The following QKI variants were observed in gnomAD, a reference collection of about 807,000 sequenced individuals.
QKI encodes QKI, KH domain containing RNA binding, also known as KH domain-containing RNA-binding protein QKI.
QKI carries 10 observed loss-of-function variants against 39.0 expected under a neutral mutation model. The ratio of observed to expected loss-of-function variants is 0.26; its 90% CI spans 0.16 to 0.43. The LOEUF is 0.43. Ranked by LOEUF, QKI falls within the 20% of genes least tolerant of loss-of-function variation. The pLI is 1.00. For synonymous variants in QKI, 204 were observed against 155.4 expected (o/e 1.31, Z -2.33); for missense variants, 218 against 428.0 (o/e 0.51, Z 4.33).
intron 1 of QKI, among the ~76,000 whole-genome samples, chr6:163,445,968 G>A (rs982140742): frequency 6.4e-4 from 97 of 152,250 alleles, no homozygotes; most frequent in Non-Finnish European, 3.8e-4. Context: ...AGTTGGTTAA[G>A]GCGATGTCTG....
chr6:163,469,108 T>G (rs1055829746), intron 2 of QKI, among the ~76,000 whole-genome samples: 15 of 152,210 alleles, frequency 9.9e-5, no homozygotes, highest in Admixed American at 2.0e-4. Flanking sequence ...TTAGTAAGAT[T>G]TAATGTGATT....
At chr6:163,486,995 T>C (rs1239866750) in intron 3 of QKI, among the ~76,000 whole-genome samples, 1 of 152,170 alleles carries the variant, frequency 6.6e-6, no homozygotes, top group Non-Finnish European at 1.5e-5. Context: ...ATTTTATTCT[T>C]ATGAAATATG....
intron 3 of QKI, among the ~76,000 whole-genome samples, chr6:163,510,087 G>T (rs533578887): frequency 1.1e-4 from 16 of 151,904 alleles, no homozygotes; most frequent in Non-Finnish European, 2.4e-4. Context: ...GTGGTGATGC[G>T]CATTTGTAAT....
intron 7 of QKI, chr6:163,567,540 C>A (rs1783437927): frequency 1.0e-6 from 1 of 984,176 alleles, no homozygotes; most frequent in Non-Finnish European, 1.2e-6. Flanking sequence ...TTTTGACTAA[C>A]CTGTGACTGG....
chr6:163,477,315 C>T (rs912163344), intron 2 of QKI, among the ~76,000 whole-genome samples: 1 of 152,122 alleles, frequency 6.6e-6, no homozygotes, highest in African/African-American at 2.4e-5. Context: ...CTGCGCCTGG[C>T]CAATATTCAG....
chr6:163,449,500 A>G (rs1361673299), intron 1 of QKI, among the ~76,000 whole-genome samples: 1 of 152,244 alleles, frequency 6.6e-6, no homozygotes, highest in Admixed American at 6.5e-5. Context: ...AAGTTGAGCA[A>G]TTGAATCAGC....
intron 3 of QKI, among the ~76,000 whole-genome samples, chr6:163,496,673 C>G (rs1159530576): frequency 6.6e-6 from 1 of 152,212 alleles, no homozygotes; most frequent in Non-Finnish European, 1.5e-5. Context: ...GAGTTTTCTA[C>G]TCTTTGCCTC....
intron 3 of QKI, among the ~76,000 whole-genome samples, chr6:163,479,394 C>G (rs182115235): frequency 6.6e-6 from 1 of 152,152 alleles, no homozygotes; most frequent in Non-Finnish European, 1.5e-5. Flanking sequence ...ATTTTTGAGA[C>G]GGAGTCTCGC....
chr6:163,416,718 CTCG>C (rs894090740), intron 1 of QKI, among the ~76,000 whole-genome samples: 72 of 152,270 alleles, frequency 4.7e-4, no homozygotes, highest in African/African-American at 1.6e-3. Flanking sequence ...TTACGGCTTT[CTCG>C]TCGTTTTGCT....
chr6:163,570,690 C>G lies in QKI; in HGVS notation c.1010-4C>G. On this transcript the variant is annotated splice_polypyrimidine_tract_variant and splice_region_variant and intron_variant, in intron 7 of 7. Coordinates refer to ENST00000361752, the MANE Select transcript of QKI (RefSeq NM_006775.3). The stretch of plus-strand genomic sequence containing the variant: ...TTTGTTTTTTTTTGTTTCTAACCAC[C>G]CAGCCGCCACCGGCAACTAACCTAT... 1.9e-6 allele frequency: 3 copies of G among 1,612,108 alleles called. No individual in the cohort carries two copies. Among genetic ancestry groups the G allele is most frequent in the Non-Finnish European group, 2.5e-6 (3 of 1,179,444 alleles).
chr6:163,491,092 G>A (rs1778023360), intron 3 of QKI, among the ~76,000 whole-genome samples: 1 of 152,036 alleles, frequency 6.6e-6, no homozygotes, highest in African/African-American at 2.4e-5. Flanking sequence ...GTGGTAGATT[G>A]GTTTGTTTTT....
At chr6:163,564,296 A>G in intron 6 of QKI, 1 of 1,005,330 alleles carries the variant, frequency 9.9e-7, no homozygotes, top group Non-Finnish European at 1.2e-6. Flanking sequence ...TGTACATCAT[A>G]GAGTGTACTT....
intron 3 of QKI, among the ~76,000 whole-genome samples, chr6:163,506,036 A>T (rs540284868): frequency 6.6e-6 from 1 of 152,202 alleles, no homozygotes; most frequent in African/African-American, 2.4e-5. Context: ...CTGGTGGTTT[A>T]AAAAGTGTTT....
At chr6:163,562,500 G>T (rs1289174475) in intron 5 of QKI, among the ~76,000 whole-genome samples, 2 of 152,138 alleles carry the variant, frequency 1.3e-5, no homozygotes, top group African/African-American at 4.8e-5. Context: ...CACTTTGCTT[G>T]CATGTTTTCC....
chr6:163,511,324 G>A (rs1490230056), intron 3 of QKI, among the ~76,000 whole-genome samples: 1 of 151,888 alleles, frequency 6.6e-6, no homozygotes. Context: ...AAAGAAAACA[G>A]CAAGGTAAAC....
intron 3 of QKI, among the ~76,000 whole-genome samples, chr6:163,497,217 T>A (rs918434459): frequency 2.6e-5 from 4 of 152,194 alleles, no homozygotes; most frequent in Admixed American, 2.0e-4. Flanking sequence ...TTCAGTAGTT[T>A]ATATAGATAT....
chr6:163,512,842 G>A lies in QKI; in HGVS notation c.403-22140G>A, dbSNP rs565249832. On this transcript the variant is annotated intron_variant, in intron 3 of 7. Transcript: ENST00000361752. ...GCTGGAAATTAAAAACTAAGAGTTG[G>A]CCATAAAGGATGTATGTTTTAACTT... Among the ~76,000 whole-genome samples the A allele has an allele frequency of 2.0e-5, 3 of 152,076 alleles. No homozygotes were observed. The South Asian group carries it at 6.2e-4, about 31-fold the overall frequency.
chr6:163,523,696 A>G (rs1033440648), intron 3 of QKI, among the ~76,000 whole-genome samples: 2 of 152,232 alleles, frequency 1.3e-5, no homozygotes, highest in Admixed American at 1.3e-4. Flanking sequence ...AAATACAGAA[A>G]TTAATATTTT....
intron 2 of QKI, among the ~76,000 whole-genome samples, chr6:163,472,211 C>G (rs1336591382): frequency 1.3e-5 from 2 of 151,816 alleles, no homozygotes; most frequent in African/African-American, 4.8e-5. Context: ...TGTATTCTTA[C>G]AATAAAATAA....
Sources: allele counts gnomAD v4.1 joint callset (sites outside exome capture counted in the v4.1 genomes callset), GRCh38; gene constraint gnomAD v4.1.1; transcripts MANE v1.5; gene names NCBI Gene and HGNC (gene_info 2026-07-23, HGNC 2026-07-21).